The following STAB2 variants were observed in gnomAD, a reference collection of about 807,000 sequenced individuals.
The protein encoded by STAB2 is stabilin 2.
STAB2 carries 288 observed loss-of-function variants against 338.1 expected under a neutral mutation model. The ratio of observed to expected loss-of-function variants is 0.85; its 90% CI spans 0.77 to 0.94. STAB2 has a LOEUF of 0.94. STAB2 is among the 40% of genes least tolerant of loss of function. STAB2 has a pLI of 0.00. For synonymous variants in STAB2, 1,202 were observed against 1,193.3 expected (o/e 1.01, Z -0.15); for missense variants, 3,141 against 3,210.1 (o/e 0.98, Z 0.52).
rs544287054 is a variant in STAB2, at chr12:103,749,061, A to G, written c.6343A>G (p.Lys2115Glu). 6.2e-7 allele frequency: 1 copy of G among 1,614,140 alleles called. No individual in the cohort carries two copies. Among genetic ancestry groups the G allele is most frequent in the Admixed American group, 1.7e-5 (1 of 60,024 alleles). The change falls in exon 59 of 69, where the codon AAA (lysine) becomes GAA (glutamate). Residue 2115 changes from lysine to glutamate, a missense_variant. Physicochemically the swap from Lys to Glu is moderately conservative, Grantham distance 56. Coordinates refer to ENST00000388887, the MANE Select transcript of STAB2 (RefSeq NM_017564.10). ...KVSCSCQKGY[K>E]GDGHSCTEID... is the part of the protein sequence containing the mutation. ...CTCCTGCAGCTGCCAGAAGGGATAC[A>G]AAGGGGACGGGCACAGCTGCACAGA...
intron 58 of STAB2, 95 bp downstream of exon 58, chr12:103,746,799 CCTGTCTGGGCCA>C: frequency 2.5e-6 from 3 of 1,205,728 alleles, no homozygotes; most frequent in Non-Finnish European, 3.7e-6. Context: ...AGCCCTCCTT[CCTGTCTGGGCCA>C]CTTCAGCAGC....
rs139513277 is a variant in STAB2 at position 103,735,132 on chromosome 12, G to T, written c.5461-359G>T. 5.9e-3 allele frequency among the ~76,000 whole-genome samples: 891 copies of T among 152,204 alleles called. 11 individuals are homozygous for T. The highest frequency in any genetic ancestry group is 0.021 in the African/African-American group (869 of 41,538). On this transcript the variant is annotated intron_variant, in intron 51 of 68. Transcript: ENST00000388887. ...GGACTTCAACATAACTCTTTGAGGG[G>T]CACAGTGCCACCCATAACTGCATCC... is the stretch of plus-strand genomic sequence containing the variant.
chr12:103,673,997 G>A lies in STAB2; in HGVS notation c.2462G>A (p.Arg821Lys). Reference sequence around the variant, plus strand: ...ACATGCAGAGACGGCTCTGCCGGGAGACTCTGTGATAAGCAGACCTCAGCC... The same window carrying A: ...ACATGCAGAGACGGCTCTGCCGGGAAACTCTGTGATAAGCAGACCTCAGCC... ...TGTCRDGSAG[R>K]LCDKQTSACG... The change falls in exon 23 of 69, where the codon AGA becomes AAA. Residue 821 changes from arginine (R) to lysine (K), a missense_variant. Physicochemically the swap from Arg to Lys is conservative, Grantham distance 26. Coordinates refer to ENST00000388887, the MANE Select transcript of STAB2 (RefSeq NM_017564.10). The A allele has an allele frequency of 1.2e-6, 2 of 1,614,144 alleles. No homozygotes were observed. Among genetic ancestry groups the A allele is most frequent in the Non-Finnish European group, 1.7e-6 (2 of 1,180,034 alleles).
Position 103,640,141 on chromosome 12 carries a change from G to T in STAB2, c.925G>T (p.Glu309Ter). 1 of 1,613,472 alleles carries T rather than the reference G, an allele frequency of 6.2e-7. No homozygotes were observed. Among genetic ancestry groups the T allele is most frequent in the Non-Finnish European group, 8.5e-7 (1 of 1,179,592 alleles). The change falls in exon 9 of 69, where the codon GAG becomes TAG. Residue 309 changes from glutamate (E) to a stop codon, truncating the protein, a stop_gained. Transcript: ENST00000388887. LOFTEE classifies it high-confidence loss of function. Reference protein sequence around the residue: ...GPGQSHCECKEHYQNFVPGVG... With the variant: ...GPGQSHCECK ...ACTGAAGTCTCACTGCGAGTGTAAG[G>T]AGCATTACCAGAATTTCGTACCTGG...
Position 103,668,699 on chromosome 12 carries a change from C to T in STAB2, c.2142C>T (p.Gly714=). ...GCAGGTTTGGGAGCCTGAAGAGCGG[C>T]TGTGCCCGGTACTGCAATGCCACTG... The part of the protein sequence containing the change: ...YSGRFGSLKS[G]CARYCNATVK... The change falls in exon 20 of 69, where the codon GGC becomes GGT. Residue 714 remains glycine, a synonymous_variant. Transcript: ENST00000388887. The T allele has an allele frequency of 6.5e-7, 1 of 1,550,366 alleles. No homozygotes were observed. Among genetic ancestry groups the T allele is most frequent in the Non-Finnish European group, 8.7e-7 (1 of 1,146,506 alleles).
Position 103,762,315 on chromosome 12 carries a change from C to T in STAB2, c.7401C>T (p.Ala2467=). 6.2e-7 allele frequency: 1 copy of T among 1,614,232 alleles called. No individual in the cohort carries two copies. Among genetic ancestry groups the T allele is most frequent in the Non-Finnish European group, 8.5e-7 (1 of 1,180,048 alleles). The change falls in exon 67 of 69, where the codon GCC becomes GCT. Residue 2467 remains alanine (A), a synonymous_variant. Coordinates refer to ENST00000388887, the MANE Select transcript of STAB2 (RefSeq NM_017564.10). ...HTGLGAGIFF[A]IILVTGAVAL... The stretch of plus-strand genomic sequence containing the variant: ...GCTTGGGAGCAGGGATCTTCTTTGC[C>T]ATCATCCTGGTGACTGGGGCTGTTG...
chr12:103,667,265 T>A (rs1875197715), intron 19 of STAB2, among the ~76,000 whole-genome samples: 1 of 152,212 alleles, frequency 6.6e-6, no homozygotes, highest in African/African-American at 2.4e-5. Context: ...TCCTTCAGGA[T>A]GCTGTCAAGC....
In STAB2 at chr12:103,637,248, T is replaced by A; in HGVS notation, c.709+12T>A. On this transcript the variant is annotated intron_variant, in intron 7 of 68. Coordinates refer to ENST00000388887, the MANE Select transcript of STAB2 (RefSeq NM_017564.10). ...CAAATACTGCGACCGTGAGTAGAAT[T>A]TAGATTCTGCTAGTTTATTCATTGA... is the stretch of plus-strand genomic sequence containing the variant. The A allele has an allele frequency of 6.2e-7, 1 of 1,608,110 alleles. No individual in the cohort carries two copies. Among genetic ancestry groups the A allele is most frequent in the Non-Finnish European group, 8.5e-7 (1 of 1,178,204 alleles).
intron 50 of STAB2, 114 bp from the exon 51 acceptor site, chr12:103,732,892 G>C: frequency 8.0e-7 from 1 of 1,253,002 alleles, no homozygotes; most frequent in Non-Finnish European, 1.1e-6. Context: ...GAACCATCCA[G>C]AGTCCCAGTA....
At chr12:103,694,979 A>G (rs1413469564) in intron 31 of STAB2, among the ~76,000 whole-genome samples, 1 of 152,030 alleles carries the variant, frequency 6.6e-6, no homozygotes, top group East Asian at 1.9e-4. Context: ...GTGTGTCTGC[A>G]GAAATTCAGA....
chr12:103,717,796 CA>C lies in STAB2; in HGVS notation c.4639del (p.Thr1547LeufsTer14), dbSNP rs1880444332. 3.7e-6 allele frequency: 6 copies of C among 1,614,138 alleles called. No homozygotes were observed. The highest frequency in any genetic ancestry group is 5.1e-6 in the Non-Finnish European group (6 of 1,179,998). On this transcript the variant is annotated frameshift_variant, in exon 44 of 69. Transcript: ENST00000388887. LOFTEE classifies it high-confidence loss of function. ...CTGCCTGTAACTGTTTGCCAGCATA[CA>C]CTGGAGATGGAAAGGTCTGCACACT... ...QAACNCLPAYTGDGKVCTLIN... is the reference protein window; with the variant it reads ...QAACNCLPAYXGDGKVCTLIN...
chr12:103,619,373 C>T (rs1957261718), intron 3 of STAB2, among the ~76,000 whole-genome samples: 2 of 152,124 alleles, frequency 1.3e-5, no homozygotes, highest in South Asian at 2.1e-4. Context: ...AAGTGTAGAA[C>T]AACAGCAAGT....
intron 37 of STAB2, among the ~76,000 whole-genome samples, chr12:103,706,347 GGT>G (rs1374370016): frequency 8.5e-5 from 13 of 152,104 alleles, no homozygotes; most frequent in Admixed American, 8.5e-4. Context: ...GCAAAAGATT[GGT>G]TTGTAAAATG....
At chr12:103,619,117 G>C (rs987777774) in intron 3 of STAB2, among the ~76,000 whole-genome samples, 1 of 152,088 alleles carries the variant, frequency 6.6e-6, no homozygotes, top group Non-Finnish European at 1.5e-5. Context: ...TAAATTACCC[G>C]GTCTCAGGCA....
chr12:103,639,400 T>C (rs1243726789), intron 8 of STAB2, among the ~76,000 whole-genome samples: 1 of 152,162 alleles, frequency 6.6e-6, no homozygotes, highest in Non-Finnish European at 1.5e-5. Flanking sequence ...CCTCCCATCA[T>C]GGCACTCAAA....
intron 22 of STAB2, among the ~76,000 whole-genome samples, chr12:103,672,945 G>A (rs773247387): frequency 6.6e-6 from 1 of 152,112 alleles, no homozygotes; most frequent in Non-Finnish European, 1.5e-5. Flanking sequence ...TGGGCAACTT[G>A]CTTCCTCTCT....
At chr12:103,715,584 T>C (rs908097422) in intron 42 of STAB2, among the ~76,000 whole-genome samples, 1 of 152,226 alleles carries the variant, frequency 6.6e-6, no homozygotes, top group Non-Finnish European at 1.5e-5. Context: ...TTTAAGCCAG[T>C]AGACAATCCC....
chr12:103,637,055 G>A (rs900517468), intron 6 of STAB2, 56 bp from the exon 7 acceptor site: 5 of 1,515,728 alleles, frequency 3.3e-6, no homozygotes, highest in Admixed American at 2.5e-5. Context: ...CAGTTTGGGG[G>A]TCTTAAGAAC....
intron 5 of STAB2, among the ~76,000 whole-genome samples, chr12:103,630,201 C>A (rs1957438258): frequency 6.6e-6 from 1 of 152,016 alleles, no homozygotes; most frequent in Non-Finnish European, 1.5e-5. Context: ...ATAGTCCAGG[C>A]AAAACATGAT....
Sources: gnomAD v4.1 joint callset for allele counts (sites outside exome capture counted in the v4.1 genomes callset) on GRCh38, gnomAD v4.1.1 for gene constraint, MANE v1.5 for transcripts, NCBI Gene and HGNC (gene_info 2026-07-23, HGNC 2026-07-21) for gene names.